Variants in CDC40 observed in about 807,000 individuals in gnomAD.
The protein encoded by CDC40 is pre-mRNA-processing factor 17.
In CDC40, 27 loss-of-function variants were observed where a neutral mutation model predicts 80.6. The observed-to-expected ratio is 0.33, with a 90% CI of 0.25 to 0.46. CDC40 has a LOEUF of 0.46. CDC40 is among the 20% of genes least tolerant of loss of function. The pLI, the probability that CDC40 is intolerant of heterozygous loss-of-function variation, is 1.00. For missense variants in CDC40, 486 were observed against 694.1 expected, an observed-to-expected ratio of 0.70 and a Z score of 3.37; for synonymous variants, 221 against 232.6, an observed-to-expected ratio of 0.95 and a Z score of 0.45.
intron 3 of CDC40, among the ~76,000 whole-genome samples, chr6:110,204,745 T>C (rs1416583379): frequency 6.8e-6 from 1 of 147,702 alleles, no homozygotes; most frequent in Non-Finnish European, 1.5e-5. Context: ...CTGCAACCTC[T>C]ACCTCTGGGG....
chr6:110,187,562 ATTC>A (rs1410576944), intron 1 of CDC40, among the ~76,000 whole-genome samples: 4 of 152,148 alleles, frequency 2.6e-5, no homozygotes, highest in Non-Finnish European at 5.9e-5. Flanking sequence ...ATTCACCTAA[ATTC>A]TTCTATTAGG....
chr6:110,201,714 C>T, intron 3 of CDC40, 27 bp downstream of exon 3: 1 of 1,604,226 alleles, frequency 6.2e-7, no homozygotes, highest in Non-Finnish European at 8.5e-7. Context: ...TAAGCAGTTT[C>T]AATTTTGGCT....
chr6:110,193,444 G>T (rs1164570632), intron 2 of CDC40, among the ~76,000 whole-genome samples, 176 bp downstream of exon 2: 3 of 151,412 alleles, frequency 2.0e-5, no homozygotes, highest in Non-Finnish European at 4.4e-5. Context: ...TCGCTCTGTC[G>T]CCCAGGCTGG....
intron 2 of CDC40, 144 bp downstream of exon 2, chr6:110,193,412 GTT>G: frequency 5.9e-6 from 3 of 505,750 alleles, no homozygotes; most frequent in Non-Finnish European, 1.1e-5. Context: ...CTTTTTTGTT[GTT>G]TTTTTTTTGA....
chr6:110,212,213 C>T lies in CDC40; in HGVS notation c.808C>T (p.Pro270Ser). 5.0e-6 allele frequency: 8 copies of T among 1,613,486 alleles called. No individual in the cohort carries two copies. The highest frequency in any genetic ancestry group is 5.9e-6 in the Non-Finnish European group (7 of 1,179,476). The change falls in exon 7 of 15, where the codon CCA (proline) becomes TCA (serine). Residue 270 changes from proline to serine, a missense_variant. Physicochemically the swap from Pro to Ser is moderately conservative, Grantham distance 74. Coordinates refer to ENST00000307731, the MANE Select transcript of CDC40 (RefSeq NM_015891.3). ...TGGTGTTAATCTACGGTCAACTATG[C>T]CACCTGAGAAGTGTTATCTTCCCAA... ...DVGVNLRSTMPPEKCYLPKKQ... is the reference protein window; with the variant it reads ...DVGVNLRSTMSPEKCYLPKKQ...
intron 12 of CDC40, among the ~76,000 whole-genome samples, chr6:110,224,981 A>G: frequency 6.6e-6 from 1 of 152,184 alleles, no homozygotes; most frequent in East Asian, 1.9e-4. Flanking sequence ...TCTTTTTAAT[A>G]CTTTTGGTTC....
Position 110,230,293 on chromosome 6 carries a change from C to T in CDC40, c.*162C>T. ...TGTAAATTTGACATAATTTCATTTGCAACTTCATTTTGTTTTTTATAAATG... is the reference window on the plus strand; with the variant it reads ...TGTAAATTTGACATAATTTCATTTGTAACTTCATTTTGTTTTTTATAAATG... On this transcript the variant is annotated 3_prime_UTR_variant, in exon 15 of 15. Transcript: ENST00000307731. The T allele has an allele frequency of 1.8e-6, 1 of 550,052 alleles. No individual in the cohort carries two copies. Among genetic ancestry groups the T allele is most frequent in the Non-Finnish European group, 3.1e-6 (1 of 319,180 alleles). The allele number at this position is 550,052 out of a possible 1,614,324, so 34.1% of individuals were successfully genotyped here. A position where few individuals can be genotyped will look rare whatever the true frequency, so the allele number is the denominator to read the frequency against.
At chr6:110,205,068 T>C (rs1459651723) in intron 3 of CDC40, among the ~76,000 whole-genome samples, 5 of 152,142 alleles carry the variant, frequency 3.3e-5, no homozygotes, top group Non-Finnish European at 7.4e-5. Context: ...TCCGGACTAC[T>C]AGTGAGGTCG....
chr6:110,218,469 A>G (rs1488489739), intron 10 of CDC40, among the ~76,000 whole-genome samples: 2 of 152,128 alleles, frequency 1.3e-5, no homozygotes, highest in African/African-American at 4.8e-5. Flanking sequence ...TACTATTATT[A>G]TATTATAGAT....
intron 2 of CDC40, among the ~76,000 whole-genome samples, chr6:110,194,477 G>A (rs1777392636): frequency 6.6e-6 from 1 of 152,192 alleles, no homozygotes; most frequent in Non-Finnish European, 1.5e-5. Flanking sequence ...GTGTAGCACA[G>A]CCAGAGTTGT....
chr6:110,182,316 G>T (rs1174639771), intron 1 of CDC40, among the ~76,000 whole-genome samples: 1 of 152,116 alleles, frequency 6.6e-6, no homozygotes, highest in East Asian at 1.9e-4. Flanking sequence ...TATCCTCCTT[G>T]CTAGCTTACG....
At chr6:110,199,118 G>C (rs930322875) in intron 2 of CDC40, 2 of 152,098 alleles carry the variant, frequency 1.3e-5, no homozygotes, top group African/African-American at 2.4e-5. Flanking sequence ...TGTTGCCTCA[G>C]CTTAAATCTG....
intron 13 of CDC40, among the ~76,000 whole-genome samples, chr6:110,228,191 G>A (rs896291652): frequency 7.9e-5 from 12 of 152,110 alleles, no homozygotes; most frequent in African/African-American, 2.7e-4. Context: ...CATAGAAAAG[G>A]TACAGTTAAA....
chr6:110,212,058 G>C, intron 6 of CDC40, 75 bp from the exon 7 acceptor site: 1 of 1,263,504 alleles, frequency 7.9e-7, no homozygotes, highest in South Asian at 1.3e-5. Context: ...TGAATAAAAT[G>C]TTATTTTAAG....
intron 12 of CDC40, among the ~76,000 whole-genome samples, chr6:110,222,432 G>A (rs185055287): frequency 1.3e-5 from 2 of 151,060 alleles, no homozygotes; most frequent in East Asian, 2.0e-4. Context: ...TGGCAGGCGC[G>A]TGTAATCCCA....
intron 2 of CDC40, among the ~76,000 whole-genome samples, chr6:110,197,875 T>G (rs1309539085): frequency 2.6e-5 from 4 of 152,188 alleles, no homozygotes; most frequent in Non-Finnish European, 5.9e-5. Flanking sequence ...AGATATCTCT[T>G]TGACATGCTG....
At chr6:110,210,574 G>T in intron 5 of CDC40, 133 bp from the exon 6 acceptor site, 16 of 225,334 alleles carry the variant, frequency 7.1e-5, no homozygotes, top group Non-Finnish European at 1.1e-4. Context: ...AAAAAAAAAA[G>T]TGTTGAGCTT....
At chr6:110,219,015 C>T (rs983319318) in intron 10 of CDC40, among the ~76,000 whole-genome samples, 11 of 151,988 alleles carry the variant, frequency 7.2e-5, no homozygotes, top group Admixed American at 3.9e-4. Flanking sequence ...TTCTTATAAA[C>T]GAAATCATAC....
intron 10 of CDC40, among the ~76,000 whole-genome samples, chr6:110,218,266 T>A (rs1777725353): frequency 1.3e-5 from 2 of 152,232 alleles, no homozygotes; most frequent in Admixed American, 6.5e-5. Context: ...CACATTAATA[T>A]GTTGTGGCTA....
Sources: allele counts gnomAD v4.1 joint callset (sites outside exome capture counted in the v4.1 genomes callset), GRCh38; gene constraint gnomAD v4.1.1; transcripts MANE v1.5; gene names NCBI Gene and HGNC (gene_info 2026-07-23, HGNC 2026-07-21).